Variants in LILRB2 observed in about 807,000 individuals in gnomAD.
LILRB2 encodes the protein leukocyte immunoglobulin like receptor B2.
In LILRB2, 47 loss-of-function variants were observed where a neutral mutation model predicts 72.7. That is an observed-to-expected ratio of 0.65 (90% CI 0.51 to 0.82). The LOEUF (loss-of-function observed/expected upper bound fraction) is 0.82, where lower values mean the gene tolerates loss of function less well. Ranked by LOEUF, LILRB2 falls within the 40% of genes least tolerant of loss-of-function variation. The pLI is 0.00. For synonymous variants in LILRB2, 279 were observed against 313.7 expected, an observed-to-expected ratio of 0.89 and a Z score of 1.17; for missense variants, 767 against 764.8, an observed-to-expected ratio of 1.00 and a Z score of -0.03.
Position 54,281,049 on chromosome 19 carries a change from T to C in LILRB2, c.-137A>G. The C allele has an allele frequency of 2.7e-6, 1 of 364,638 alleles. No individual in the cohort carries two copies. Among genetic ancestry groups the C allele is most frequent in the Non-Finnish European group, 5.3e-6 (1 of 188,074 alleles). 22.6% of individuals were successfully genotyped at this position (364,638 alleles called of 1,614,324 possible). A position where few individuals can be genotyped will look rare whatever the true frequency, so the allele number is the denominator to read the frequency against. ...AGACTCAGATCAGCAGAGAAGCATC[T>C]CGCCTCTGGCTGTGCTGTCCAGGTT... On this transcript the variant is annotated 5_prime_UTR_variant, in exon 1 of 14. Coordinates refer to ENST00000314446, the MANE Select transcript of LILRB2 (RefSeq NM_001080978.4).
chr19:54,275,186 C>T, intron 13 of LILRB2: 1 of 1,392,056 alleles, frequency 7.2e-7, no homozygotes. Context: ...CTCAGGGACG[C>T]CCTAAGGCCG....
intron 6 of LILRB2, 71 bp downstream of exon 6, chr19:54,278,741 C>G: frequency 6.3e-7 from 1 of 1,589,196 alleles, no homozygotes; most frequent in Non-Finnish European, 8.6e-7. Flanking sequence ...TCCTGGCCAT[C>G]ACTAATTGGA....
At chr19:54,277,853 T>C (rs770482936) in intron 8 of LILRB2, 36 bp downstream of exon 8, 1 of 1,518,778 alleles carries the variant, frequency 6.6e-7, no homozygotes, top group Middle Eastern at 1.7e-4. Flanking sequence ...TGGGGGTCGC[T>C]GCGCTCCCTT....
intron 6 of LILRB2, 104 bp from the exon 7 acceptor site, chr19:54,278,666 C>T: frequency 7.0e-7 from 1 of 1,433,882 alleles, no homozygotes. Flanking sequence ...CTGAGTCTTC[C>T]CCTCCCCACC....
chr19:54,279,836 C>T lies in LILRB2; in HGVS notation c.310G>A (p.Ala104Thr), dbSNP rs1482616572. 2.3e-5 allele frequency: 37 copies of T among 1,614,098 alleles called. No homozygotes were observed. The highest frequency in any genetic ancestry group is 2.9e-5 in the Non-Finnish European group (34 of 1,179,994). ...GGGTCACTGAGCTCAGACCACCGAG[C>T]GCGGCTGTAATACTGACAGCCATAT... The part of the protein sequence containing the change: ...GRYGCQYYSR[A>T]RWSELSDPLV... The change falls in exon 4 of 14, where the codon GCT (alanine) becomes ACT (threonine). Residue 104 changes from alanine to threonine, a missense_variant. Ala to Thr is a moderately conservative substitution (Grantham distance 58). This residue lies in a region of LILRB2 where 599 missense variants were observed against 568.2 expected (regional missense o/e 1.05). Coordinates refer to ENST00000314446, the MANE Select transcript of LILRB2 (RefSeq NM_001080978.4).
At chr19:54,277,864 C>G (rs377154248) in intron 8 of LILRB2, 25 bp downstream of exon 8, 13 of 1,538,440 alleles carry the variant, frequency 8.5e-6, no homozygotes, top group Middle Eastern at 1.7e-4. Context: ...GCGCTCCCTT[C>G]GAGCCAGAGG....
At chr19:54,275,768 G>A in intron 13 of LILRB2, 183 bp downstream of exon 13, 1 of 835,072 alleles carries the variant, frequency 1.2e-6, no homozygotes, top group Non-Finnish European at 2.1e-6. Flanking sequence ...CCGGGAGGAG[G>A]CCCACGAGGT....
In LILRB2 at chr19:54,280,092, G is replaced by C. The variant is rs368892487; in HGVS notation, c.71-17C>G. 1 of 1,612,950 alleles carries C rather than the reference G, an allele frequency of 6.2e-7. No homozygotes were observed. The highest frequency in any genetic ancestry group is 1.3e-5 in the African/African-American group (1 of 74,796). On this transcript the variant is annotated splice_polypyrimidine_tract_variant and intron_variant, in intron 3 of 13. Transcript: ENST00000314446. ...GGATGGTCCCTGGAAGGAAATCAAA[G>C]GTCAGATTCGAAGTCATTTCCCACC...
chr19:54,276,066 C>T, intron 12 of LILRB2, 63 bp from the exon 13 acceptor site: 1 of 1,596,962 alleles, frequency 6.3e-7, no homozygotes, highest in Non-Finnish European at 8.6e-7. Flanking sequence ...TGAGTCCTGC[C>T]AGCCCCTGCC....
rs1411494192 is a variant in LILRB2, at chr19:54,279,485, G to A, written c.518C>T (p.Ala173Val). 2.5e-6 allele frequency: 4 copies of A among 1,613,496 alleles called. No homozygotes were observed. Among genetic ancestry groups the A allele is most frequent in the Middle Eastern group, 1.7e-4 (1 of 6,060 alleles). Residue 173 changes from alanine (A) to valine (V), a missense_variant, in exon 5 of 14, where the codon GCC becomes GTC. By Grantham distance (64) the Ala-to-Val change is moderately conservative (BLOSUM62 0). This residue lies in a region of LILRB2 where 599 missense variants were observed against 568.2 expected (regional missense o/e 1.05). Transcript: ENST00000314446. ...HPQCLNSQPH[A>V]RGSSRAIFSV... ...GAAGATGGCGCGGGACGACCCACGG[G>A]CATGGGGCTGGGAGTTCAGGCATTG...
At chr19:54,275,654 G>T in intron 13 of LILRB2, 1 of 564,876 alleles carries the variant, frequency 1.8e-6, no homozygotes, top group Non-Finnish European at 3.4e-6. Flanking sequence ...ATGAAGGGGA[G>T]CCCAGGGGAC....
rs200240062 is a variant in LILRB2 at position 54,279,332 on chromosome 19, G to A, written c.658+13C>T. On this transcript the variant is annotated intron_variant, in intron 5 of 13. Transcript: ENST00000314446. The stretch of plus-strand genomic sequence containing the variant: ...GACTCAGGGAACTCCAGACAATGCT[G>A]TGAATTTCTCACCTGGGACCAGGAG... The A allele has an allele frequency of 5.0e-6, 8 of 1,606,138 alleles. No homozygotes were observed. Among genetic ancestry groups the A allele is most frequent in the Non-Finnish European group, 6.8e-6 (8 of 1,175,052 alleles).
Position 54,278,775 on chromosome 19 carries a change from A to G in LILRB2, c.955+37T>C, listed in dbSNP as rs745785722. On this transcript the variant is annotated intron_variant, in intron 6 of 13. Transcript: ENST00000314446. ...GATTCCCCCGGCAGGGCCTGTGCAG[A>G]GTCTGGGTCCCTGACTGAACCCGCT... The G allele has an allele frequency of 3.1e-6, 5 of 1,608,352 alleles. No individual in the cohort carries two copies. The South Asian group carries it at 4.4e-5, about 14-fold the overall frequency.
intron 1 of LILRB2, 61 bp from the exon 2 acceptor site, chr19:54,280,605 A>G: frequency 6.4e-7 from 1 of 1,552,428 alleles, no homozygotes. Context: ...CTGTGTGGAC[A>G]CTCAGAGGCT....
In LILRB2 at chr19:54,278,839, TG is replaced by T. The variant is rs1390503826; in HGVS notation, c.927del (p.Ser310AlafsTer7). On this transcript the variant is annotated frameshift_variant, in exon 6 of 14. Transcript: ENST00000314446. LOFTEE classifies it high-confidence loss of function. ...GTGATCAGGATGTCCAGGGGGTCGC[TG>T]GGGGCCGAGCACTCAGAGGAGAGGT... ...AHNLSSECSA[P>X]SDPLDILITG... The T allele has an allele frequency of 6.2e-7, 1 of 1,612,754 alleles. No homozygotes were observed. Among genetic ancestry groups the T allele is most frequent in the Non-Finnish European group, 8.5e-7 (1 of 1,179,660 alleles).
At position 54,276,465 on chromosome 19, in the gene LILRB2, A is replaced by G. The variant is rs764734959; in HGVS notation, c.1481-9T>C. 17 of 1,563,142 alleles carry G rather than the reference A, an allele frequency of 1.1e-5. No individual in the cohort carries two copies. The highest frequency in any genetic ancestry group is 8.9e-5 in the Admixed American group (5 of 56,462). On this transcript the variant is annotated splice_polypyrimidine_tract_variant and intron_variant, in intron 10 of 13. Coordinates refer to ENST00000314446, the MANE Select transcript of LILRB2 (RefSeq NM_001080978.4). ...ATCAGCCTTTCTCTGGGCTGGGGGA[A>G]GAAGGACAGAGCCTCAGCCCTGGGA...
chr19:54,280,408 C>T (rs2080496155), intron 2 of LILRB2, 55 bp downstream of exon 2: 1 of 1,614,040 alleles, frequency 6.2e-7, no homozygotes, highest in Non-Finnish European at 8.5e-7. Flanking sequence ...CAGAGTTTGG[C>T]TGTGGGGTGA....
intron 7 of LILRB2, 139 bp from the exon 8 acceptor site, chr19:54,278,078 A>G (rs1319905391): frequency 9.0e-7 from 1 of 1,107,754 alleles, no homozygotes; most frequent in Non-Finnish European, 1.3e-6. Flanking sequence ...GATGCTGGCG[A>G]TGCCGCTGAG....
At position 54,279,081 on chromosome 19, in the gene LILRB2, A is replaced by T; in HGVS notation, c.686T>A (p.Val229Glu). Residue 229 changes from valine to glutamate, a missense_variant, in exon 6 of 14, where the codon GTG becomes GAG. Physicochemically the swap from Val to Glu is moderately radical, Grantham distance 121. This residue lies in a region of LILRB2 where 599 missense variants were observed against 568.2 expected (regional missense o/e 1.05). Transcript: ENST00000314446. Reference protein sequence around the residue: ...PGVSKKPSLSVQPGPVMAPGE... With the variant: ...PGVSKKPSLSEQPGPVMAPGE... ...AGGGGCCATGACAGGACCCGGCTGCACTGAGAGTGATGGCTTCTTAGAAAC... is the reference window on the plus strand; with the variant it reads ...AGGGGCCATGACAGGACCCGGCTGCTCTGAGAGTGATGGCTTCTTAGAAAC... 1 of 1,613,872 alleles carries T rather than the reference A, an allele frequency of 6.2e-7. No individual in the cohort carries two copies. Among genetic ancestry groups the T allele is most frequent in the Non-Finnish European group, 8.5e-7 (1 of 1,179,788 alleles).
Sources: allele counts gnomAD v4.1 joint callset, GRCh38; gene constraint gnomAD v4.1.1; regional missense constraint gnomAD v4.1.1; transcripts MANE v1.5; gene names NCBI Gene and HGNC (gene_info 2026-07-23, HGNC 2026-07-21).